The following NDST3 variants were observed in gnomAD, a reference collection of about 807,000 sequenced individuals.
The protein encoded by NDST3 is N-deacetylase and N-sulfotransferase 3.
NDST3 carries 58 observed loss-of-function variants against 96.1 expected under a neutral mutation model. The ratio of observed to expected loss-of-function variants is 0.60; its 90% CI spans 0.49 to 0.75. NDST3 has a LOEUF of 0.75. Among genes scored for constraint, NDST3 ranks in the 30% least tolerant of loss-of-function variants. The pLI is 0.00. For missense variants in NDST3, 788 were observed against 1,034.2 expected, an observed-to-expected ratio of 0.76 and a Z score of 3.27; for synonymous variants, 333 against 359.7, an observed-to-expected ratio of 0.93 and a Z score of 0.84.
Position 118,106,556 on chromosome 4 carries a change from C to G in NDST3, c.1069+1451C>G, listed in dbSNP as rs988192489. ...GGTCTCACTATGTTGCCTAGGCTGGCAATGTATAAATCTGTGATACATCTG... is the reference window on the plus strand; with the variant it reads ...GGTCTCACTATGTTGCCTAGGCTGGGAATGTATAAATCTGTGATACATCTG... On this transcript the variant is annotated intron_variant, in intron 3 of 13. Transcript: ENST00000296499. 6.6e-5 allele frequency among the ~76,000 whole-genome samples: 10 copies of G among 151,668 alleles called. 1 individual carries two copies. In the South Asian group the frequency reaches 2.1e-3, roughly 32 times the overall value.
At chr4:118,091,783 T>C (rs1291049198) in intron 2 of NDST3, among the ~76,000 whole-genome samples, 1 of 151,856 alleles carries the variant, frequency 6.6e-6, no homozygotes, top group Non-Finnish European at 1.5e-5. Context: ...GACCTAATAT[T>C]AGTGCCCAAA....
At chr4:118,085,074 G>A (rs1728315516) in intron 2 of NDST3, among the ~76,000 whole-genome samples, 2 of 152,124 alleles carry the variant, frequency 1.3e-5, no homozygotes, top group Non-Finnish European at 2.9e-5. Flanking sequence ...AGTGAGCTGA[G>A]ATCACGCTAT....
At chr4:118,043,672 G>GTC (rs1432348154) in intron 1 of NDST3, among the ~76,000 whole-genome samples, 5 of 152,188 alleles carry the variant, frequency 3.3e-5, no homozygotes, top group Non-Finnish European at 5.9e-5. Flanking sequence ...TCCACAGGAG[G>GTC]AGTGACAGCA....
At chr4:118,095,763 ACTCT>A (rs1729250696) in intron 2 of NDST3, among the ~76,000 whole-genome samples, 3 of 151,730 alleles carry the variant, frequency 2.0e-5, no homozygotes, top group South Asian at 2.1e-4. Context: ...CCACCAATCT[ACTCT>A]CTCTATCTAT....
intron 1 of NDST3, among the ~76,000 whole-genome samples, chr4:118,037,885 C>T (rs147410019): frequency 6.6e-6 from 1 of 152,150 alleles, no homozygotes; most frequent in African/African-American, 2.4e-5. Flanking sequence ...AGTAATAGAA[C>T]CTTCAACCTC....
chr4:118,058,594 A>AGTGT lies in NDST3; in HGVS notation c.981+3741_981+3744dup, dbSNP rs59628763. ...TTTCAGTGAAATTGAAGTCAGGAAA[A>AGTGT]GTGTGTGTGTGTGTGTGTGTGTGTG... On this transcript the variant is annotated intron_variant, in intron 2 of 13. Coordinates refer to ENST00000296499, the MANE Select transcript of NDST3 (RefSeq NM_004784.3). Among the ~76,000 whole-genome samples, 648 of 81,026 alleles carry AGTGT rather than the reference A, an allele frequency of 8.0e-3. 7 individuals are homozygous for AGTGT. The highest frequency in any genetic ancestry group is 0.018 in the African/African-American group (541 of 29,520). 53.2% of individuals were successfully genotyped at this position (81,026 alleles called of 152,430 possible). A position where few individuals can be genotyped will look rare whatever the true frequency, so the allele number is the denominator to read the frequency against.
At chr4:118,187,706 G>A (rs952911794) in intron 6 of NDST3, among the ~76,000 whole-genome samples, 3 of 152,184 alleles carry the variant, frequency 2.0e-5, no homozygotes, top group Admixed American at 6.6e-5. Context: ...CATAACAGCA[G>A]ACAATTCTTG....
chr4:118,207,237 G>A (rs1404386105), intron 6 of NDST3, among the ~76,000 whole-genome samples: 1 of 139,706 alleles, frequency 7.2e-6, no homozygotes, highest in Non-Finnish European at 1.6e-5. Flanking sequence ...AATATTAAAA[G>A]AAATAAGGCC....
chr4:118,188,794 A>G (rs1737128530), intron 6 of NDST3, among the ~76,000 whole-genome samples: 1 of 152,050 alleles, frequency 6.6e-6, no homozygotes, highest in African/African-American at 2.4e-5. Flanking sequence ...CCTTTCATGA[A>G]CCTCCTTAAA....
intron 1 of NDST3, among the ~76,000 whole-genome samples, chr4:118,047,405 G>T (rs1560606298): frequency 6.6e-6 from 1 of 152,210 alleles, no homozygotes; most frequent in East Asian, 1.9e-4. Flanking sequence ...TTCTCAACCA[G>T]TCTGAAATGA....
intron 6 of NDST3, among the ~76,000 whole-genome samples, chr4:118,175,871 T>C (rs1393252711): frequency 6.6e-6 from 1 of 152,162 alleles, no homozygotes; most frequent in Non-Finnish European, 1.5e-5. Flanking sequence ...GTTCTCAGTG[T>C]GGAATTGTTC....
chr4:118,038,178 T>A (rs549245045), intron 1 of NDST3, among the ~76,000 whole-genome samples: 4 of 152,270 alleles, frequency 2.6e-5, no homozygotes, highest in African/African-American at 9.6e-5. Flanking sequence ...TGTGAGCATG[T>A]GTGACAGAAT....
At chr4:118,109,521 A>C (rs1730471319) in intron 3 of NDST3, among the ~76,000 whole-genome samples, 2 of 152,136 alleles carry the variant, frequency 1.3e-5, no homozygotes, top group South Asian at 4.1e-4. Flanking sequence ...ACAGCTCATA[A>C]TAAGAGTATC....
At chr4:118,102,309 T>C (rs1197414991) in intron 2 of NDST3, among the ~76,000 whole-genome samples, 2 of 152,058 alleles carry the variant, frequency 1.3e-5, no homozygotes, top group Non-Finnish European at 2.9e-5. Context: ...GGTTCCTGGA[T>C]TGGCATTTGA....
chr4:118,053,634 C>T (rs28729926), intron 1 of NDST3, 122 bp from the exon 2 acceptor site: 5,306 of 263,826 alleles, frequency 0.02, 302 homozygotes, highest in African/African-American at 0.11. Flanking sequence ...GGGAGGGCTT[C>T]GAATTTACTA....
intron 4 of NDST3, among the ~76,000 whole-genome samples, chr4:118,137,016 T>C (rs766541587): frequency 1.3e-5 from 2 of 152,156 alleles, no homozygotes; most frequent in African/African-American, 4.8e-5. Flanking sequence ...CTTCCCCTCC[T>C]GTTCTTATTT....
At chr4:118,135,833 A>C (rs1578705538) in intron 4 of NDST3, among the ~76,000 whole-genome samples, 1 of 152,258 alleles carries the variant, frequency 6.6e-6, no homozygotes, top group South Asian at 2.1e-4. Flanking sequence ...AGCTATGATC[A>C]CCACCACTGT....
At chr4:118,130,202 T>A (rs1330174240) in intron 4 of NDST3, among the ~76,000 whole-genome samples, 5 of 152,050 alleles carry the variant, frequency 3.3e-5, no homozygotes, top group African/African-American at 1.2e-4. Flanking sequence ...ATTATTTACG[T>A]GTAGAAACTT....
chr4:118,119,150 T>C (rs1731347790), intron 4 of NDST3, among the ~76,000 whole-genome samples: 1 of 152,302 alleles, frequency 6.6e-6, no homozygotes, highest in South Asian at 2.1e-4. Flanking sequence ...TTAAATGGTG[T>C]CCTTTTTGCC....
Sources: allele counts gnomAD v4.1 joint callset (sites outside exome capture counted in the v4.1 genomes callset), GRCh38; gene constraint gnomAD v4.1.1; transcripts MANE v1.5; gene names NCBI Gene and HGNC (gene_info 2026-07-23, HGNC 2026-07-21).